Variants in FAT4 observed in about 807,000 individuals in gnomAD.
FAT4 encodes the protein protocadherin Fat 4.
FAT4 carries 84 observed loss-of-function variants against 303.9 expected under a neutral mutation model. The observed-to-expected ratio is 0.28, with a 90% CI of 0.23 to 0.33. FAT4 has a LOEUF of 0.33. Among genes scored for constraint, FAT4 ranks in the 10% least tolerant of loss-of-function variants. The pLI is 1.00. For missense variants in FAT4, 6,005 were observed against 6,146.8 expected, an observed-to-expected ratio of 0.98 and a Z score of 0.77; for synonymous variants, 2,307 against 2,298.8, an observed-to-expected ratio of 1.00 and a Z score of -0.10.
chr4:125,483,280 CAAAGT>C (rs1282604049), intron 16 of FAT4, among the ~76,000 whole-genome samples: 1 of 151,918 alleles, frequency 6.6e-6, no homozygotes, highest in Non-Finnish European at 1.5e-5. Flanking sequence ...TAGAAGTAAA[CAAAGT>C]AAAGAAGCAA....
rs976472199 is a variant in FAT4, at chr4:125,479,937, T to C, written c.12604+72T>C. 6 of 1,189,242 alleles carry C rather than the reference T, an allele frequency of 5.0e-6. No individual in the cohort carries two copies. The African/African-American group carries it at 9.2e-5, about 18-fold the overall frequency. 73.7% of individuals were successfully genotyped at this position (1,189,242 alleles called of 1,614,324 possible). A position where few individuals can be genotyped will look rare whatever the true frequency, so the allele number is the denominator to read the frequency against. ...AAAGTAAAATATATGCACCCAAGTA[T>C]GTAATCAAATTAAAAATTATGCTTT... is the stretch of plus-strand genomic sequence containing the variant. On this transcript the variant is annotated intron_variant, in intron 15 of 17. Transcript: ENST00000394329.
chr4:125,419,575 C>G (rs1275183727), intron 7 of FAT4, among the ~76,000 whole-genome samples: 1 of 152,084 alleles, frequency 6.6e-6, no homozygotes, highest in African/African-American at 2.4e-5. Flanking sequence ...ATAATCATAC[C>G]CTATCTCTTG....
Position 125,415,651 on chromosome 4 carries a change from C to A in FAT4, c.6688C>A (p.Gln2230Lys), listed in dbSNP as rs758534993. ...EKTPTYHLTV[Q>K]ATDRGSTPRT... is the part of the protein sequence containing the mutation. ...GACCCCTACCTACCATTTAACTGTTCAGGCAACAGATCGAGGCAGCACACC... is the reference window on the plus strand; with the variant it reads ...GACCCCTACCTACCATTTAACTGTTAAGGCAACAGATCGAGGCAGCACACC... The change falls in exon 6 of 18, where the codon CAG (glutamine) becomes AAG (lysine). Residue 2230 changes from glutamine (Q) to lysine (K), a missense_variant. Physicochemically the swap from Gln to Lys is moderately conservative, Grantham distance 53. Coordinates refer to ENST00000394329, the MANE Select transcript of FAT4 (RefSeq NM_001291303.3). 9.3e-6 allele frequency: 15 copies of A among 1,613,928 alleles called. No individual in the cohort carries two copies. Among genetic ancestry groups the A allele is most frequent in the Admixed American group, 8.3e-5 (5 of 59,980 alleles).
At chr4:125,406,038 T>G (rs767466506) in intron 3 of FAT4, among the ~76,000 whole-genome samples, 2 of 152,158 alleles carry the variant, frequency 1.3e-5, no homozygotes, top group African/African-American at 2.4e-5. Flanking sequence ...ATACTTTCAC[T>G]TGTCTGCTTT....
intron 2 of FAT4, among the ~76,000 whole-genome samples, chr4:125,340,388 CTT>C (rs11329246): frequency 1.6e-4 from 24 of 148,340 alleles, no homozygotes; most frequent in South Asian, 4.3e-4. Context: ...AGAAACAACT[CTT>C]TTTTTTTTTT....
At chr4:125,355,395 A>T (rs1001221071) in intron 2 of FAT4, among the ~76,000 whole-genome samples, 1 of 152,018 alleles carries the variant, frequency 6.6e-6, no homozygotes, top group Admixed American at 6.6e-5. Flanking sequence ...TGTGTTCCAG[A>T]TATAATTCCA....
At chr4:125,363,608 G>T (rs2125986673) in intron 2 of FAT4, among the ~76,000 whole-genome samples, 1 of 151,968 alleles carries the variant, frequency 6.6e-6, no homozygotes, top group Non-Finnish European at 1.5e-5. Flanking sequence ...CGATTCCCCT[G>T]CCTCAGCCTC....
rs753229660 is a variant in FAT4, at chr4:125,398,929, GTC to G, written c.5307+18_5307+19del. 8 of 1,611,896 alleles carry G rather than the reference GTC, an allele frequency of 5.0e-6. No individual in the cohort carries two copies. In the Admixed American group the frequency reaches 8.3e-5, roughly 17 times the overall value. The stretch of plus-strand genomic sequence containing the variant: ...GATGCTGATGAGGTAGCTCAAGCAT[GTC>G]TCTGAATTTGTGAAACTTCGTAGTG... On this transcript the variant is annotated intron_variant, in intron 3 of 17. Coordinates refer to ENST00000394329, the MANE Select transcript of FAT4 (RefSeq NM_001291303.3).
intron 5 of FAT4, among the ~76,000 whole-genome samples, chr4:125,413,533 A>C (rs2126025529): frequency 6.6e-6 from 1 of 151,958 alleles, no homozygotes; most frequent in Non-Finnish European, 1.5e-5. Context: ...TGAAAGTTAT[A>C]TTCATAAATA....
In FAT4 at chr4:125,451,243, C is replaced by T. The variant is rs750628824; in HGVS notation, c.10233C>T (p.Tyr3411=). 38 of 1,613,968 alleles carry T rather than the reference C, an allele frequency of 2.4e-5. No homozygotes were observed. Among genetic ancestry groups the T allele is most frequent in the Non-Finnish European group, 3.2e-5 (38 of 1,180,032 alleles). Residue 3411 remains tyrosine, a synonymous_variant, in exon 10 of 18, where the codon TAC becomes TAT. Transcript: ENST00000394329. ...NDPPIFTLNI[Y]SVQISEGVPI... ...CACCCATTTTTACTCTAAACATCTA[C>T]AGTGTGCAGATCAGTGAAGGGGTCC...
chr4:125,405,347 AC>A (rs1734552997), intron 3 of FAT4, among the ~76,000 whole-genome samples: 1 of 151,926 alleles, frequency 6.6e-6, no homozygotes, highest in African/African-American at 2.4e-5. Context: ...TTGCATTCCC[AC>A]CAACAGTGTA....
intron 2 of FAT4, among the ~76,000 whole-genome samples, chr4:125,322,250 A>G (rs900544108): frequency 6.6e-6 from 1 of 152,188 alleles, no homozygotes; most frequent in East Asian, 1.9e-4. Context: ...GGCTGTGAAT[A>G]ATCAGAGACT....
chr4:125,455,791 C>A (rs1046109325), intron 10 of FAT4, among the ~76,000 whole-genome samples: 1 of 152,120 alleles, frequency 6.6e-6, no homozygotes, highest in African/African-American at 2.4e-5. Flanking sequence ...AATACTTAAT[C>A]CTCACAGAAA....
At chr4:125,478,967 T>C in intron 14 of FAT4, among the ~76,000 whole-genome samples, 1 of 152,206 alleles carries the variant, frequency 6.6e-6, no homozygotes. Flanking sequence ...CCATCTCCCT[T>C]CACTTCCTGA....
Position 125,316,520 on chromosome 4 carries a change from C to A in FAT4, c.109C>A (p.Gln37Lys). 1.2e-6 allele frequency: 2 copies of A among 1,613,976 alleles called. No individual in the cohort carries two copies. The highest frequency in any genetic ancestry group is 1.7e-6 in the Non-Finnish European group (2 of 1,180,036). ...VFWLLSLLPG[Q>K]AWVHGAEPRQ... ...TTGGCTACTGTCATTGCTTCCGGGGCAGGCCTGGGTCCACGGGGCCGAGCC... is the reference window on the plus strand; with the variant it reads ...TTGGCTACTGTCATTGCTTCCGGGGAAGGCCTGGGTCCACGGGGCCGAGCC... The change falls in exon 2 of 18, where the codon CAG (glutamine) becomes AAG (lysine). Residue 37 changes from glutamine to lysine, a missense_variant. Physicochemically the swap from Gln to Lys is moderately conservative, Grantham distance 53. Transcript: ENST00000394329. This position sits in a 1 kb window ranked among gnomAD's most constrained non-coding sequence, Gnocchi z 5.7.
chr4:125,491,572 T>C lies in FAT4; in HGVS notation c.14756T>C (p.Leu4919Pro), dbSNP rs140963523. 121 of 1,614,054 alleles carry C rather than the reference T, an allele frequency of 7.5e-5. No homozygotes were observed. The highest frequency in any genetic ancestry group is 9.2e-5 in the Non-Finnish European group (108 of 1,180,042). ...AAAPGTADNTLPMKLGQQAGT... is the reference protein window; with the variant it reads ...AAAPGTADNTPPMKLGQQAGT... The stretch of plus-strand genomic sequence containing the variant: ...GCACCAGGCACTGCTGACAACACAC[T>C]GCCCATGAAGCTAGGGCAGCAAGCA... Residue 4919 changes from leucine (L) to proline (P), a missense_variant, in exon 18 of 18, where the codon CTG becomes CCG. Physicochemically the swap from Leu to Pro is moderately conservative, Grantham distance 98. Coordinates refer to ENST00000394329, the MANE Select transcript of FAT4 (RefSeq NM_001291303.3).
intron 2 of FAT4, among the ~76,000 whole-genome samples, chr4:125,340,175 A>G (rs1452869073): frequency 6.6e-6 from 1 of 152,126 alleles, no homozygotes; most frequent in African/African-American, 2.4e-5. Flanking sequence ...GCAAAATTTT[A>G]AATTCAAAAA....
At chr4:125,410,939 T>C (rs554416827) in intron 5 of FAT4, among the ~76,000 whole-genome samples, 1 of 152,212 alleles carries the variant, frequency 6.6e-6, no homozygotes, top group African/African-American at 2.4e-5. Context: ...ATAAAATATA[T>C]GACACAATTC....
At chr4:125,406,781 C>G in intron 3 of FAT4, 99 bp from the exon 4 acceptor site, 2 of 1,351,420 alleles carry the variant, frequency 1.5e-6, no homozygotes, top group Non-Finnish European at 2.0e-6. Context: ...GAACTTAAAG[C>G]CAAAAAGCCT....
Sources: allele counts gnomAD v4.1 joint callset (sites outside exome capture counted in the v4.1 genomes callset), GRCh38; gene constraint gnomAD v4.1.1; non-coding constraint Gnocchi (gnomAD v3.1); transcripts MANE v1.5; gene names NCBI Gene and HGNC (gene_info 2026-07-23, HGNC 2026-07-21).